Variants in GPR63 observed in about 807,000 individuals in gnomAD.
The protein encoded by GPR63 is G protein-coupled receptor 63.
GPR63 carries 12 observed loss-of-function variants against 23.1 expected under a neutral mutation model. The observed-to-expected ratio is 0.52, with a 90% CI of 0.33 to 0.84. The LOEUF (loss-of-function observed/expected upper bound fraction) is 0.84, where lower values mean the gene tolerates loss of function less well. Ranked by LOEUF, GPR63 falls within the 40% of genes least tolerant of loss-of-function variation. GPR63 has a pLI of 0.02. For missense variants in GPR63, 472 were observed against 515.6 expected (o/e 0.92, Z 0.82); for synonymous variants, 172 against 191.1 (o/e 0.90, Z 0.82).
intron 1 of GPR63, among the ~76,000 whole-genome samples, chr6:96,814,856 AC>A (rs1774124453): frequency 6.6e-6 from 1 of 152,186 alleles, no homozygotes; most frequent in South Asian, 2.1e-4. Context: ...AGTGACTAAA[AC>A]AAGGACATTT....
intron 1 of GPR63, among the ~76,000 whole-genome samples, chr6:96,818,980 C>T (rs914400074): frequency 3.9e-5 from 6 of 152,306 alleles, no homozygotes; most frequent in African/African-American, 1.4e-4. Context: ...CCATCTCACA[C>T]CAGTTAGAAT....
rs12526630 is a variant in GPR63, at chr6:96,805,359, G to A, written c.-150-5478C>T. Among the ~76,000 whole-genome samples, 871 of 152,178 alleles carry A rather than the reference G, an allele frequency of 5.7e-3. 2 individuals are homozygous for A. Among genetic ancestry groups the A allele is most frequent in the Non-Finnish European group, 9.6e-3 (652 of 67,998 alleles). On this transcript the variant is annotated intron_variant, in intron 1 of 1. Coordinates refer to ENST00000229955, the MANE Select transcript of GPR63 (RefSeq NM_030784.4). ...CTCAGTGCAAAAACTCACTCACTAC[G>A]GGGAGGACAGCATCAAGGCATTCAT...
intron 1 of GPR63, among the ~76,000 whole-genome samples, chr6:96,820,486 A>G (rs200502606): frequency 9.2e-5 from 14 of 152,304 alleles, no homozygotes; most frequent in East Asian, 1.9e-4. Flanking sequence ...AGTGTACCCC[A>G]TATTTCCTGC....
At chr6:96,815,525 A>G (rs1164781289) in intron 1 of GPR63, among the ~76,000 whole-genome samples, 2 of 152,230 alleles carry the variant, frequency 1.3e-5, no homozygotes, top group African/African-American at 4.8e-5. Context: ...TATTAACAAC[A>G]GAGTATTGTG....
rs544634551 is a variant in GPR63 at position 96,829,142 on chromosome 6, T to G, written c.-151+8126A>C. On this transcript the variant is annotated intron_variant, in intron 1 of 1. Transcript: ENST00000229955. ...AATAGCACATTTAAAATTTTCATCT[T>G]ATAGATACACATGAAACTGCATCCA... is the stretch of plus-strand genomic sequence containing the variant. Among the ~76,000 whole-genome samples, 17 of 152,312 alleles carry G rather than the reference T, an allele frequency of 1.1e-4. 1 individual carries two copies. The South Asian group carries it at 3.3e-3, about 30-fold the overall frequency.
chr6:96,809,788 T>C (rs1349729615), intron 1 of GPR63, among the ~76,000 whole-genome samples: 2 of 152,220 alleles, frequency 1.3e-5, no homozygotes, highest in Non-Finnish European at 2.9e-5. Flanking sequence ...CTTGCATTCA[T>C]TAACTAAGAT....
At chr6:96,810,208 A>C (rs1404659935) in intron 1 of GPR63, among the ~76,000 whole-genome samples, 1 of 152,202 alleles carries the variant, frequency 6.6e-6, no homozygotes, top group Non-Finnish European at 1.5e-5. Flanking sequence ...GATAACAGTT[A>C]AATAAACTGG....
chr6:96,832,432 C>CAT (rs10626594), intron 1 of GPR63, among the ~76,000 whole-genome samples: 1 of 144,688 alleles, frequency 6.9e-6, no homozygotes, highest in East Asian at 2.0e-4. Flanking sequence ...ACCTGACTAA[C>CAT]TTTTTTTTTT....
intron 1 of GPR63, among the ~76,000 whole-genome samples, chr6:96,819,890 G>A (rs1212115753): frequency 6.7e-6 from 1 of 150,152 alleles, no homozygotes; most frequent in Non-Finnish European, 1.5e-5. Flanking sequence ...GCGGGAGAAT[G>A]GCGTCGACCC....
chr6:96,804,377 G>A (rs1773845316), intron 1 of GPR63, among the ~76,000 whole-genome samples: 1 of 152,072 alleles, frequency 6.6e-6, no homozygotes, highest in African/African-American at 2.4e-5. Flanking sequence ...TTTATTCTCT[G>A]AAAAGGCTAT....
chr6:96,814,414 A>C (rs1219221188), intron 1 of GPR63, among the ~76,000 whole-genome samples: 1 of 152,210 alleles, frequency 6.6e-6, no homozygotes, highest in East Asian at 1.9e-4. Flanking sequence ...AATGTCTACC[A>C]TGTACCAGAC....
chr6:96,798,214 G>A lies in GPR63; in HGVS notation c.*258C>T, dbSNP rs1773642711. ...CACTATGAAAACAAAATCAATCAAG[G>A]AAAAACCCCAAAACCAAAAAAAAGT... On this transcript the variant is annotated 3_prime_UTR_variant, in exon 2 of 2. Coordinates refer to ENST00000229955, the MANE Select transcript of GPR63 (RefSeq NM_030784.4). 2.6e-6 allele frequency: 1 copy of A among 382,638 alleles called. No individual in the cohort carries two copies. The allele number at this position is 382,638 out of a possible 1,614,324, so 23.7% of individuals were successfully genotyped here.
At chr6:96,826,408 T>C (rs1201774378) in intron 1 of GPR63, among the ~76,000 whole-genome samples, 1 of 152,118 alleles carries the variant, frequency 6.6e-6, no homozygotes, top group Non-Finnish European at 1.5e-5. Flanking sequence ...AACAACATCA[T>C]ATACAGAAAT....
At chr6:96,803,546 T>C (rs1164996883) in intron 1 of GPR63, among the ~76,000 whole-genome samples, 1 of 152,242 alleles carries the variant, frequency 6.6e-6, no homozygotes, top group Non-Finnish European at 1.5e-5. Context: ...CCTCAGTATC[T>C]GTACAGTGGT....
intron 1 of GPR63, among the ~76,000 whole-genome samples, chr6:96,836,059 T>C (rs1159894945): frequency 6.6e-6 from 1 of 152,092 alleles, no homozygotes; most frequent in Admixed American, 6.5e-5. Flanking sequence ...TTACAAAATA[T>C]AGGGACTTTT....
intron 1 of GPR63, among the ~76,000 whole-genome samples, chr6:96,821,938 A>G (rs531440711): frequency 5.3e-5 from 8 of 152,194 alleles, no homozygotes; most frequent in African/African-American, 1.9e-4. Context: ...CTCGTTTCCA[A>G]GGATATAATA....
chr6:96,819,069 T>A (rs1177828999), intron 1 of GPR63, among the ~76,000 whole-genome samples: 1 of 152,228 alleles, frequency 6.6e-6, no homozygotes, highest in Non-Finnish European at 1.5e-5. Context: ...TTACAGTTGG[T>A]GGCAGTGTAA....
Position 96,837,376 on chromosome 6 carries a change from G to T in GPR63, c.-259C>A. Reference sequence around the variant, plus strand: ...CATAGCACTTCTCTCCTCCGCTGCAGAGAACAACGCTGCCAGGCGGAGGAG... The same window carrying T: ...CATAGCACTTCTCTCCTCCGCTGCATAGAACAACGCTGCCAGGCGGAGGAG... On this transcript the variant is annotated 5_prime_UTR_variant, in exon 1 of 2. The change creates a new upstream start codon in the 5' untranslated region. Coordinates refer to ENST00000229955, the MANE Select transcript of GPR63 (RefSeq NM_030784.4). 6.5e-6 allele frequency: 1 copy of T among 153,044 alleles called. No homozygotes were observed. Among genetic ancestry groups the T allele is most frequent in the South Asian group, 1.9e-4 (1 of 5,250 alleles). The allele number at this position is 153,044 out of a possible 1,614,324, so 9.5% of individuals were successfully genotyped here. A position where few individuals can be genotyped will look rare whatever the true frequency, so the allele number is the denominator to read the frequency against.
At chr6:96,832,655 G>C (rs1033853184) in intron 1 of GPR63, among the ~76,000 whole-genome samples, 1 of 151,998 alleles carries the variant, frequency 6.6e-6, no homozygotes, top group African/African-American at 2.4e-5. Context: ...GGTAGGAGTA[G>C]GGACAGGATC....
Sources: allele counts gnomAD v4.1 joint callset (sites outside exome capture counted in the v4.1 genomes callset), GRCh38; gene constraint gnomAD v4.1.1; transcripts MANE v1.5; gene names NCBI Gene and HGNC (gene_info 2026-07-23, HGNC 2026-07-21).